The following VPS13A variants were observed in gnomAD, a reference collection of about 807,000 sequenced individuals.
The protein encoded by VPS13A is vacuolar protein sorting 13 homolog A, also known as intermembrane lipid transfer protein VPS13A.
A neutral mutation model predicts 390.9 loss-of-function variants in VPS13A; 264 were observed. The ratio of observed to expected loss-of-function variants is 0.68; its 90% CI spans 0.61 to 0.75. The LOEUF is 0.75. Among genes scored for constraint, VPS13A ranks in the 30% least tolerant of loss-of-function variants. The probability of loss-of-function intolerance (pLI) is 0.00; values close to 1 mark genes in which losing one functional copy is unlikely to be tolerated. For missense variants in VPS13A, 3,409 were observed against 3,733.9 expected (o/e 0.91, Z 2.27); for synonymous variants, 1,231 against 1,227.1 (o/e 1.00, Z -0.07).
intron 52 of VPS13A, 27 bp downstream of exon 52, chr9:77,345,169 C>G (rs1018460293): frequency 6.2e-7 from 1 of 1,609,840 alleles, no homozygotes; most frequent in Non-Finnish European, 8.5e-7. Flanking sequence ...TACAGTAACT[C>G]TTGATGGTGT....
At chr9:77,248,186 T>C (rs1824934752) in intron 20 of VPS13A, among the ~76,000 whole-genome samples, 1 of 152,072 alleles carries the variant, frequency 6.6e-6, no homozygotes, top group South Asian at 2.1e-4. Context: ...AATGGCCTTC[T>C]TCTGTTTACC....
intron 68 of VPS13A, among the ~76,000 whole-genome samples, chr9:77,398,908 ATCGCAAG>A (rs1203619341): frequency 6.7e-6 from 1 of 150,356 alleles, no homozygotes. Flanking sequence ...TCAGTAAACT[ATCGCAAG>A]AACAAAAAAC....
chr9:77,317,695 A>G lies in VPS13A; in HGVS notation c.4953A>G (p.Leu1651=), dbSNP rs2131437581. ...VIDMSVKSLT[L]KVSPVIINTM... ...ATATGTCAGTAAAATCCCTGACACTAAAGGTAAATTAAAATATAATCATTT... is the reference window on the plus strand; with the variant it reads ...ATATGTCAGTAAAATCCCTGACACTGAAGGTAAATTAAAATATAATCATTT... Residue 1651 remains leucine (L), a synonymous_variant, in exon 40 of 72, where the codon CTA becomes CTG. Transcript: ENST00000360280. 1.3e-6 allele frequency: 2 copies of G among 1,585,330 alleles called. No individual in the cohort carries two copies. Among genetic ancestry groups the G allele is most frequent in the Admixed American group, 1.7e-5 (1 of 58,822 alleles).
At chr9:77,280,091 A>G in intron 26 of VPS13A, 68 bp from the exon 27 acceptor site, 1 of 1,223,878 alleles carries the variant, frequency 8.2e-7, no homozygotes, top group Non-Finnish European at 1.2e-6. Flanking sequence ...CATAATTAAT[A>G]AGATTGCTTG....
chr9:77,310,256 C>T (rs1359883967), intron 35 of VPS13A, among the ~76,000 whole-genome samples: 1 of 151,958 alleles, frequency 6.6e-6, no homozygotes, highest in Non-Finnish European at 1.5e-5. Flanking sequence ...GAAAAGGAAT[C>T]TCCAAATTAT....
intron 1 of VPS13A, 34 bp downstream of exon 1, chr9:77,177,838 T>G: frequency 6.3e-7 from 1 of 1,579,058 alleles, no homozygotes; most frequent in East Asian, 2.3e-5. Flanking sequence ...CCCCGGCCTC[T>G]CGTGCTTCCC....
chr9:77,286,868 G>C (rs952712910), intron 31 of VPS13A, among the ~76,000 whole-genome samples: 3 of 152,048 alleles, frequency 2.0e-5, no homozygotes, highest in Non-Finnish European at 4.4e-5. Context: ...AGAAGTGGAG[G>C]CCTCATCATT....
intron 32 of VPS13A, 44 bp from the exon 33 acceptor site, chr9:77,295,498 G>A (rs1317304): frequency 5.7e-5 from 83 of 1,458,066 alleles, no homozygotes; most frequent in African/African-American, 8.7e-5. Context: ...TTAATAAGTC[G>A]TATTTATTAA....
At chr9:77,339,387 C>G in intron 47 of VPS13A, 129 bp from the exon 48 acceptor site, 1 of 849,944 alleles carries the variant, frequency 1.2e-6, no homozygotes, top group Non-Finnish European at 1.8e-6. Flanking sequence ...GAATGTAAGT[C>G]TTCTGACTTG....
chr9:77,319,874 T>A lies in VPS13A; in HGVS notation c.5415+201T>A, dbSNP rs34282824. Among the ~76,000 whole-genome samples the A allele has an allele frequency of 1.8e-3, 279 of 152,086 alleles. 1 individual carries two copies. The highest frequency in any genetic ancestry group is 3.4e-3 in the Middle Eastern group (1 of 294). ...AACGTATATTTGAAGACTGAAAAAA[T>A]TTTCCAAAATTGAGAATGTTTATAC... On this transcript the variant is annotated intron_variant, in intron 42 of 71. Transcript: ENST00000360280.
chr9:77,182,589 T>C (rs577732420), intron 1 of VPS13A, among the ~76,000 whole-genome samples: 2 of 152,338 alleles, frequency 1.3e-5, no homozygotes, highest in African/African-American at 4.8e-5. Flanking sequence ...GGGAAAAGTA[T>C]TAGAATTTTA....
intron 35 of VPS13A, among the ~76,000 whole-genome samples, chr9:77,312,423 A>T (rs920692400): frequency 5.5e-5 from 8 of 146,628 alleles, no homozygotes; most frequent in Admixed American, 1.4e-4. Flanking sequence ...TGTTCATATA[A>T]TTTTTTTTTT....
At chr9:77,240,698 G>A (rs1014049079) in intron 19 of VPS13A, among the ~76,000 whole-genome samples, 4 of 151,178 alleles carry the variant, frequency 2.6e-5, no homozygotes, top group South Asian at 2.1e-4. Context: ...GGCTGGTCTC[G>A]AACTTCTGTC....
At chr9:77,184,296 T>G (rs72740394) in intron 1 of VPS13A, among the ~76,000 whole-genome samples, 12,062 of 152,270 alleles carry the variant, frequency 0.079, 603 homozygotes, top group East Asian at 0.12. Context: ...ACATCTATTC[T>G]GCTTTGCTGA....
intron 26 of VPS13A, among the ~76,000 whole-genome samples, chr9:77,279,446 C>A (rs756202642): frequency 1.3e-5 from 2 of 152,060 alleles, no homozygotes; most frequent in Non-Finnish European, 2.9e-5. Context: ...CTGCTCTTCT[C>A]AATGCTCAGC....
In VPS13A at chr9:77,203,122, TAGAATGC is replaced by T. The variant is rs143711258; in HGVS notation, c.187+1721_187+1727del. ...TTGATCTTTCAAAATTTCCCTCGTT[TAGAATGC>T]AGAATTATAGATATATCAAATATAA... On this transcript the variant is annotated intron_variant, in intron 3 of 71. Coordinates refer to ENST00000360280, the MANE Select transcript of VPS13A (RefSeq NM_033305.3). Among the ~76,000 whole-genome samples the T allele has an allele frequency of 4.9e-4, 75 of 152,348 alleles. No homozygotes were observed. In the East Asian group the frequency reaches 0.011, roughly 22 times the overall value.
intron 10 of VPS13A, among the ~76,000 whole-genome samples, chr9:77,218,060 A>G (rs1232130289): frequency 6.7e-6 from 1 of 149,734 alleles, no homozygotes; most frequent in East Asian, 2.0e-4. Flanking sequence ...TTTCATACAC[A>G]TGTTGGCCAT....
intron 19 of VPS13A, among the ~76,000 whole-genome samples, chr9:77,241,450 T>C (rs1423705531): frequency 6.6e-6 from 1 of 151,456 alleles, no homozygotes; most frequent in Non-Finnish European, 1.5e-5. Context: ...TTTTTTTTTT[T>C]CAGAGATCAT....
intron 68 of VPS13A, chr9:77,395,852 CTTT>C (rs1286356962): frequency 3.3e-5 from 5 of 152,084 alleles, no homozygotes; most frequent in African/African-American, 1.2e-4. Flanking sequence ...AAAAAAGAAT[CTTT>C]TTTTCCTTTC....
Sources: allele counts gnomAD v4.1 joint callset (sites outside exome capture counted in the v4.1 genomes callset), GRCh38; gene constraint gnomAD v4.1.1; transcripts MANE v1.5; gene names NCBI Gene and HGNC (gene_info 2026-07-23, HGNC 2026-07-21).